Variants in SORCS2 observed in about 807,000 individuals in gnomAD.
SORCS2 encodes sortilin related VPS10 domain containing receptor 2, also known as VPS10 domain-containing receptor SorCS2.
SORCS2 carries 100 observed loss-of-function variants against 141.6 expected under a neutral mutation model. That is an observed-to-expected ratio of 0.71 (90% CI 0.60 to 0.83). SORCS2 has a LOEUF of 0.83. Among genes scored for constraint, SORCS2 ranks in the 40% least tolerant of loss-of-function variants. The probability of loss-of-function intolerance (pLI) is 0.00; values close to 1 mark genes in which losing one functional copy is unlikely to be tolerated. For synonymous variants in SORCS2, 789 were observed against 676.9 expected (o/e 1.17, Z -2.57); for missense variants, 1,646 against 1,560.2 (o/e 1.05, Z -0.93).
chr4:7,390,602 C>A (rs1723796749), intron 1 of SORCS2, among the ~76,000 whole-genome samples: 1 of 152,180 alleles, frequency 6.6e-6, no homozygotes, highest in East Asian at 1.9e-4. Flanking sequence ...GGGGCCATTG[C>A]CGTGCTGCTG....
At chr4:7,522,982 CCTTT>C (rs1733434302) in intron 2 of SORCS2, among the ~76,000 whole-genome samples, 1 of 137,802 alleles carries the variant, frequency 7.3e-6, no homozygotes, top group African/African-American at 2.7e-5. Context: ...CTCCTTCCTT[CCTTT>C]CTTCTCCTTC....
At chr4:7,678,098 C>T (rs1560476970) in intron 9 of SORCS2, among the ~76,000 whole-genome samples, 1 of 152,330 alleles carries the variant, frequency 6.6e-6, no homozygotes, top group East Asian at 1.9e-4. Flanking sequence ...GCACCATTCA[C>T]CCCTCATGAA....
At chr4:7,713,955 C>T (rs1022091827) in intron 15 of SORCS2, among the ~76,000 whole-genome samples, 10 of 152,190 alleles carry the variant, frequency 6.6e-5, no homozygotes, top group African/African-American at 1.7e-4. Flanking sequence ...GCTGAGGGGA[C>T]GAGGGGAACC....
chr4:7,431,606 C>T (rs1278239643), intron 2 of SORCS2: 1 of 152,164 alleles, frequency 6.6e-6, no homozygotes, highest in Non-Finnish European at 1.5e-5. Context: ...AGGCCAACAA[C>T]TTCGGGCCCC....
intron 3 of SORCS2, among the ~76,000 whole-genome samples, chr4:7,617,217 C>G (rs1210260113): frequency 6.6e-6 from 1 of 152,144 alleles, no homozygotes; most frequent in African/African-American, 2.4e-5. Context: ...GTTATCTCAT[C>G]TATCCATCCA....
At chr4:7,542,766 C>G (rs1342094901) in intron 3 of SORCS2, among the ~76,000 whole-genome samples, 2 of 152,200 alleles carry the variant, frequency 1.3e-5, no homozygotes, top group East Asian at 3.8e-4. Context: ...TGTGGTTGCC[C>G]AGTTTTGCAG....
At chr4:7,404,325 T>G (rs759115366) in intron 2 of SORCS2, among the ~76,000 whole-genome samples, 4 of 152,172 alleles carry the variant, frequency 2.6e-5, no homozygotes, top group African/African-American at 4.8e-5. Context: ...GGTGTCTTTT[T>G]GATATCCTAA....
intron 21 of SORCS2, among the ~76,000 whole-genome samples, chr4:7,727,516 T>C (rs574142940): frequency 5.3e-4 from 80 of 151,816 alleles, no homozygotes; most frequent in Non-Finnish European, 1.0e-3. Context: ...CAGCCTCTAC[T>C]GTGGACAGCA....
intron 3 of SORCS2, among the ~76,000 whole-genome samples, chr4:7,582,996 C>G (rs1311454249): frequency 6.8e-6 from 1 of 146,916 alleles, no homozygotes; most frequent in Non-Finnish European, 1.5e-5. Flanking sequence ...CACATAGTAG[C>G]TGTTCAATTC....
At chr4:7,739,534 C>A (rs561545555) in intron 26 of SORCS2, among the ~76,000 whole-genome samples, 1 of 152,210 alleles carries the variant, frequency 6.6e-6, no homozygotes, top group African/African-American at 2.4e-5. Flanking sequence ...CCCGTCTGAC[C>A]CACGCCAGTC....
intron 2 of SORCS2, among the ~76,000 whole-genome samples, chr4:7,494,692 A>G (rs1425570932): frequency 6.6e-6 from 1 of 152,196 alleles, no homozygotes; most frequent in African/African-American, 2.4e-5. Context: ...GGCTACAAAC[A>G]TTCAGTCCAT....
rs538388781 is a variant in SORCS2 at position 7,648,186 on chromosome 4, G to A, written c.814-5948G>A. 1.0e-3 allele frequency among the ~76,000 whole-genome samples: 45 copies of A among 43,976 alleles called. No individual in the cohort carries two copies. Among genetic ancestry groups the A allele is most frequent in the Admixed American group, 2.2e-3 (6 of 2,748 alleles). 28.8% of individuals were successfully genotyped at this position (43,976 alleles called of 152,430 possible). On this transcript the variant is annotated intron_variant, in intron 4 of 26. Transcript: ENST00000507866. This position sits in a 1 kb window ranked among gnomAD's most constrained non-coding sequence, Gnocchi z 4.2. The stretch of plus-strand genomic sequence containing the variant: ...AGGAGGGAGGCCATTTACTGAGACC[G>A]CAGAGGAGGAGGAGGAGGAGGAGGA...
At chr4:7,459,214 G>A (rs1454165191) in intron 2 of SORCS2, among the ~76,000 whole-genome samples, 1 of 152,128 alleles carries the variant, frequency 6.6e-6, no homozygotes, top group Non-Finnish European at 1.5e-5. Context: ...ACGCTGGCGA[G>A]TCTCTCCACC....
rs116406154 is a variant in SORCS2 at position 7,575,009 on chromosome 4, A to G, written c.648+43380A>G. ...TCACCTCAGTGAAGGGGACAGAGAG[A>G]TATCTTCAGAATATGAGAGGGTCTC... On this transcript the variant is annotated intron_variant, in intron 3 of 26. Coordinates refer to ENST00000507866, the MANE Select transcript of SORCS2 (RefSeq NM_020777.3). Among the ~76,000 whole-genome samples the G allele has an allele frequency of 4.2e-3, 633 of 152,310 alleles. 1 individual carries two copies. The highest frequency in any genetic ancestry group is 6.8e-3 in the Non-Finnish European group (465 of 68,030).
rs551344034 is a variant in SORCS2 at position 7,351,111 on chromosome 4, C to T, written c.481-45177C>T. Among the ~76,000 whole-genome samples the T allele has an allele frequency of 6.6e-5, 10 of 152,328 alleles. No homozygotes were observed. The East Asian group carries it at 9.7e-4, about 15-fold the overall frequency. On this transcript the variant is annotated intron_variant, in intron 1 of 26. Transcript: ENST00000507866. ...GCAAGGGTGACCAACACACGCTACA[C>T]GCCCCCCCACTTAGCCCCTCAGCCC... is the stretch of plus-strand genomic sequence containing the variant.
rs550319387 is a variant in SORCS2 at position 7,492,269 on chromosome 4, C to T, written c.549-39261C>T. ...CCAGCCCCCGGTAACTACCATTCTA[C>T]TCTCTGCTTCTATGGATTCTGCTCT... is the stretch of plus-strand genomic sequence containing the variant. On this transcript the variant is annotated intron_variant, in intron 2 of 26. Coordinates refer to ENST00000507866, the MANE Select transcript of SORCS2 (RefSeq NM_020777.3). Among the ~76,000 whole-genome samples, 3 of 152,358 alleles carry T rather than the reference C, an allele frequency of 2.0e-5. No individual in the cohort carries two copies. The East Asian group carries it at 5.8e-4, about 29-fold the overall frequency.
At position 7,434,890 on chromosome 4, in the gene SORCS2, G is replaced by T. The variant is rs373610799; in HGVS notation, c.548+38535G>T. The T allele has an allele frequency of 2.0e-4, 306 of 1,540,728 alleles. 1 individual carries two copies. In the African/African-American group the frequency reaches 3.6e-3, roughly 18 times the overall value. On this transcript the variant is annotated intron_variant, in intron 2 of 26. Coordinates refer to ENST00000507866, the MANE Select transcript of SORCS2 (RefSeq NM_020777.3). ...CAGGGCACACAGCATGCTGCCCAGG[G>T]ACTCTCTGGCTCCAGAGTACCCAGC...
chr4:7,222,847 G>T (rs777504548), intron 1 of SORCS2, among the ~76,000 whole-genome samples: 1 of 152,238 alleles, frequency 6.6e-6, no homozygotes, highest in East Asian at 1.9e-4. Context: ...GGCCTGGGGA[G>T]GGTTTTCTGC....
intron 3 of SORCS2, among the ~76,000 whole-genome samples, chr4:7,623,947 A>C (rs1391192609): frequency 6.6e-6 from 1 of 152,136 alleles, no homozygotes; most frequent in African/African-American, 2.4e-5. Context: ...GCTCTACCCC[A>C]CCAACCCCTA....
Sources: allele counts gnomAD v4.1 joint callset (sites outside exome capture counted in the v4.1 genomes callset), GRCh38; gene constraint gnomAD v4.1.1; non-coding constraint Gnocchi (gnomAD v3.1); transcripts MANE v1.5; gene names NCBI Gene and HGNC (gene_info 2026-07-23, HGNC 2026-07-21).